EPSTI1: variants seen among roughly 807,000 people sequenced by gnomAD.
The protein encoded by EPSTI1 is epithelial-stromal interaction protein 1.
EPSTI1 carries 66 observed loss-of-function variants against 49.9 expected under a neutral mutation model. The observed-to-expected ratio is 1.32, with a 90% CI of 1.08 to 1.62. The LOEUF is 1.62. Among genes scored for constraint, EPSTI1 ranks in the 40% most tolerant of loss-of-function variants. The pLI is 0.00. For synonymous variants in EPSTI1, 137 were observed against 130.7 expected, an observed-to-expected ratio of 1.05 and a Z score of -0.33; for missense variants, 394 against 365.5, an observed-to-expected ratio of 1.08 and a Z score of -0.64.
chr13:42,910,152 AGCT>A (rs1416255427), intron 8 of EPSTI1, among the ~76,000 whole-genome samples: 2 of 151,552 alleles, frequency 1.3e-5, no homozygotes, highest in Non-Finnish European at 2.9e-5. Flanking sequence ...TTATTTATAT[AGCT>A]GCTTTTTGAT....
intron 3 of EPSTI1, 115 bp downstream of exon 3, chr13:42,968,979 C>T (rs2039696203): frequency 1.1e-6 from 1 of 920,950 alleles, no homozygotes; most frequent in African/African-American, 1.7e-5. Flanking sequence ...ACCCAAGCAG[C>T]ACAATGACCA....
chr13:42,979,026 A>AAAT (rs2039934196), intron 1 of EPSTI1, among the ~76,000 whole-genome samples: 1 of 152,206 alleles, frequency 6.6e-6, no homozygotes, highest in South Asian at 2.1e-4. Context: ...TAGTATTTAT[A>AAAT]AATAATACAT....
At chr13:42,905,310 G>T (rs1311064385) in intron 8 of EPSTI1, among the ~76,000 whole-genome samples, 1 of 152,154 alleles carries the variant, frequency 6.6e-6, no homozygotes, top group Non-Finnish European at 1.5e-5. Context: ...TGGCCGAAGG[G>T]AAGGTGCTGG....
chr13:42,962,202 T>A (rs7327290), intron 5 of EPSTI1, among the ~76,000 whole-genome samples: 90,666 of 152,004 alleles, frequency 0.6, 27,622 homozygotes, highest in Middle Eastern at 0.82. Flanking sequence ...CATTTAAATT[T>A]ATGCTCCTCG....
chr13:42,942,145 A>C (rs937603935), intron 6 of EPSTI1, among the ~76,000 whole-genome samples: 1 of 152,132 alleles, frequency 6.6e-6, no homozygotes, highest in Non-Finnish European at 1.5e-5. Flanking sequence ...AATTTGTCTC[A>C]TACTAATATT....
intron 7 of EPSTI1, among the ~76,000 whole-genome samples, chr13:42,921,096 A>G (rs538430955): frequency 7.3e-4 from 111 of 152,316 alleles, no homozygotes; most frequent in South Asian, 3.5e-3. Flanking sequence ...AGAGAAAATG[A>G]AAGGATATAA....
intron 6 of EPSTI1, among the ~76,000 whole-genome samples, chr13:42,937,635 A>G (rs1201955796): frequency 6.6e-6 from 1 of 152,220 alleles, no homozygotes; most frequent in African/African-American, 2.4e-5. Context: ...CATCCGTTGA[A>G]GTTTGATCAT....
chr13:42,973,425 T>A (rs2039811092), intron 1 of EPSTI1, among the ~76,000 whole-genome samples: 1 of 152,228 alleles, frequency 6.6e-6, no homozygotes, highest in Non-Finnish European at 1.5e-5. Flanking sequence ...TCAGCAACCT[T>A]CTCAGCAATA....
chr13:42,961,490 G>A (rs1273719285), intron 5 of EPSTI1, among the ~76,000 whole-genome samples: 1 of 152,154 alleles, frequency 6.6e-6, no homozygotes, highest in Non-Finnish European at 1.5e-5. Context: ...TACAACTCAA[G>A]TATACCAGTG....
rs2037190315 is a variant in EPSTI1 at position 42,896,405 on chromosome 13, C to A, written c.816-1297G>T. ...CAGTAAACAACACAACCACTGGTAT[C>A]CTGGACTGCCTGCATGCCTGGAGCT... On this transcript the variant is annotated intron_variant, in intron 9 of 10. Coordinates refer to ENST00000313624, the MANE Select transcript of EPSTI1 (RefSeq NM_033255.5). 2.0e-5 allele frequency among the ~76,000 whole-genome samples: 3 copies of A among 152,130 alleles called. No homozygotes were observed. In the South Asian group the frequency reaches 6.2e-4, roughly 32 times the overall value.
chr13:42,903,643 G>A (rs2037421942), intron 8 of EPSTI1, among the ~76,000 whole-genome samples: 1 of 152,192 alleles, frequency 6.6e-6, no homozygotes, highest in African/African-American at 2.4e-5. Context: ...TTTACCATAA[G>A]GTTGTGCTAA....
In EPSTI1 at chr13:42,988,798, A is replaced by G. The variant is rs73472169; in HGVS notation, c.188+3180T>C. Among the ~76,000 whole-genome samples, 679 of 151,708 alleles carry G rather than the reference A, an allele frequency of 4.5e-3. 6 individuals carry two copies. The highest frequency in any genetic ancestry group is 0.015 in the African/African-American group (633 of 41,366). On this transcript the variant is annotated intron_variant, in intron 1 of 10. Transcript: ENST00000313624. ...AGAGGTACTCAGAATAATTTAATAT[A>G]TTGATAGCCACAGATTTTTACTAGT...
chr13:42,900,284 A>T (rs1056363635), intron 9 of EPSTI1, 26 bp downstream of exon 9: 1 of 1,600,120 alleles, frequency 6.2e-7, no homozygotes, highest in Non-Finnish European at 8.6e-7. Flanking sequence ...TTAACCAAGG[A>T]TGCTTATTTT....
intron 6 of EPSTI1, among the ~76,000 whole-genome samples, chr13:42,935,094 T>A (rs1334789138): frequency 1.3e-5 from 2 of 152,224 alleles, no homozygotes; most frequent in East Asian, 3.8e-4. Flanking sequence ...CCCTGGACAT[T>A]GTTGTCATGA....
At position 42,964,145 on chromosome 13, in the gene EPSTI1, G is replaced by GA. The variant is rs148862630; in HGVS notation, c.332-7dup. On this transcript the variant is annotated splice_region_variant and splice_polypyrimidine_tract_variant and intron_variant, in intron 3 of 10. Transcript: ENST00000313624. ...AGTTTCTGACTGGCTTCCACCTTAGGAAAAAAAAATCCATGAAGGTGAAAC... is the reference window on the plus strand; with the variant it reads ...AGTTTCTGACTGGCTTCCACCTTAGGAAAAAAAAAATCCATGAAGGTGAAAC... The GA allele has an allele frequency of 4.6e-3, 7,377 of 1,589,758 alleles. 237 individuals carry two copies. The African/African-American group carries it at 0.083, about 18-fold the overall frequency.
intron 6 of EPSTI1, among the ~76,000 whole-genome samples, chr13:42,927,352 A>G (rs2038216568): frequency 6.6e-6 from 1 of 151,924 alleles, no homozygotes; most frequent in South Asian, 2.1e-4. Flanking sequence ...AATTTGTGTG[A>G]TTTTTATCTC....
rs1050289088 is a variant in EPSTI1, at chr13:42,970,689, A to G, written c.189-19T>C. The stretch of plus-strand genomic sequence containing the variant: ...ACTTGTGCTAAAAGGAAGAGAAAAA[A>G]AAATGCTTATTACCATGAGAAACTA... On this transcript the variant is annotated intron_variant, in intron 1 of 10. Transcript: ENST00000313624. 4.4e-6 allele frequency: 7 copies of G among 1,596,000 alleles called. No individual in the cohort carries two copies. The highest frequency in any genetic ancestry group is 5.1e-6 in the Non-Finnish European group (6 of 1,174,722).
At chr13:42,981,588 G>A (rs903440779) in intron 1 of EPSTI1, among the ~76,000 whole-genome samples, 2 of 152,202 alleles carry the variant, frequency 1.3e-5, no homozygotes, top group Non-Finnish European at 2.9e-5. Flanking sequence ...AGAAAAGTTG[G>A]AAATTCCTTC....
Position 42,888,185 on chromosome 13 carries a change from C to G in EPSTI1, c.*309G>C, listed in dbSNP as rs565533672. ...CTGTAGCACCCATAGCTCTGATTAA[C>G]CTGAAAGCATCAAGTGACTCCCTCT... On this transcript the variant is annotated 3_prime_UTR_variant, in exon 11 of 11. Transcript: ENST00000313624. 6.5e-5 allele frequency: 102 copies of G among 1,571,118 alleles called. No individual in the cohort carries two copies. The highest frequency in any genetic ancestry group is 1.8e-4 in the Middle Eastern group (1 of 5,664).
Sources: gnomAD v4.1 joint callset for allele counts (sites outside exome capture counted in the v4.1 genomes callset) on GRCh38, gnomAD v4.1.1 for gene constraint, MANE v1.5 for transcripts, NCBI Gene and HGNC (gene_info 2026-07-23, HGNC 2026-07-21) for gene names.